Variants in MTUS2 observed in about 807,000 individuals in gnomAD.
The protein encoded by MTUS2 is microtubule-associated tumor suppressor candidate 2.
MTUS2 carries 40 observed loss-of-function variants against 114.1 expected under a neutral mutation model. That is an observed-to-expected ratio of 0.35 (90% CI 0.27 to 0.46). MTUS2 has a LOEUF of 0.46. MTUS2 is among the 20% of genes least tolerant of loss of function. The pLI, the probability that MTUS2 is intolerant of heterozygous loss-of-function variation, is 1.00. For synonymous variants in MTUS2, 688 were observed against 672.0 expected (o/e 1.02, Z -0.37); for missense variants, 1,679 against 1,705.4 (o/e 0.98, Z 0.27).
At chr13:29,382,833 GATTA>G (rs1872318867) in intron 8 of MTUS2, among the ~76,000 whole-genome samples, 1 of 152,088 alleles carries the variant, frequency 6.6e-6, no homozygotes, top group African/African-American at 2.4e-5. Context: ...GTCAGTGTGT[GATTA>G]ATTACCAAAG....
At chr13:29,080,941 G>T (rs1889414665) in intron 4 of MTUS2, among the ~76,000 whole-genome samples, 1 of 152,120 alleles carries the variant, frequency 6.6e-6, no homozygotes, top group Non-Finnish European at 1.5e-5. Flanking sequence ...GACCAGGGTG[G>T]TCTTGAACTC....
At chr13:28,850,345 T>C (rs1161471) in intron 2 of MTUS2, among the ~76,000 whole-genome samples, 116,167 of 152,178 alleles carry the variant, frequency 0.76, 45,081 homozygotes, top group Non-Finnish European at 0.82. Flanking sequence ...AGATACAACA[T>C]GGAAAGTGTG....
intron 5 of MTUS2, among the ~76,000 whole-genome samples, chr13:29,102,175 A>G (rs1228010196): frequency 6.6e-6 from 1 of 152,206 alleles, no homozygotes; most frequent in Admixed American, 6.5e-5. Flanking sequence ...CAAATGTGTA[A>G]TTCATGTTTT....
At chr13:29,353,471 T>C (rs1347733254) in intron 7 of MTUS2, among the ~76,000 whole-genome samples, 2 of 151,958 alleles carry the variant, frequency 1.3e-5, no homozygotes, top group African/African-American at 4.8e-5. Flanking sequence ...CAGCTGATTT[T>C]TGTATTTTTT....
chr13:29,267,016 C>T (rs1357287615), intron 5 of MTUS2, among the ~76,000 whole-genome samples: 1 of 152,062 alleles, frequency 6.6e-6, no homozygotes, highest in Non-Finnish European at 1.5e-5. Context: ...ATGACAGGCA[C>T]AGGGAGGAGG....
intron 2 of MTUS2, among the ~76,000 whole-genome samples, chr13:29,008,026 T>A (rs971944289): frequency 6.6e-6 from 1 of 152,200 alleles, no homozygotes; most frequent in Non-Finnish European, 1.5e-5. Context: ...TCTTTTGTCA[T>A]GAAACATCCC....
At chr13:29,449,225 A>G (rs1472358829) in intron 9 of MTUS2, among the ~76,000 whole-genome samples, 2 of 152,202 alleles carry the variant, frequency 1.3e-5, no homozygotes, top group African/African-American at 4.8e-5. Flanking sequence ...ATATTAACGT[A>G]TGGTAGGAAT....
chr13:28,857,004 A>G (rs1425372916), intron 2 of MTUS2, among the ~76,000 whole-genome samples: 1 of 152,226 alleles, frequency 6.6e-6, no homozygotes, highest in East Asian at 1.9e-4. Context: ...GCGGTTGCGC[A>G]CATTCACCCC....
chr13:29,255,901 G>A (rs1202003962), intron 5 of MTUS2, among the ~76,000 whole-genome samples: 1 of 152,208 alleles, frequency 6.6e-6, no homozygotes, highest in Non-Finnish European at 1.5e-5. Context: ...ACCTGAATTT[G>A]AAGTCTGACC....
intron 5 of MTUS2, among the ~76,000 whole-genome samples, chr13:29,162,118 T>G (rs1893124582): frequency 1.3e-5 from 2 of 152,176 alleles, no homozygotes; most frequent in Admixed American, 1.3e-4. Context: ...TCTCTCTGTG[T>G]GTGTCTCTGT....
chr13:29,377,798 A>G (rs3125705), intron 8 of MTUS2, among the ~76,000 whole-genome samples: 92,278 of 151,732 alleles, frequency 0.61, 28,949 homozygotes, highest in East Asian at 0.75. Context: ...AAAACATAAA[A>G]ATCAAGGAGA....
At chr13:29,149,650 T>C (rs1892587970) in intron 5 of MTUS2, among the ~76,000 whole-genome samples, 1 of 152,216 alleles carries the variant, frequency 6.6e-6, no homozygotes, top group South Asian at 2.1e-4. Flanking sequence ...TTTATAGTTT[T>C]CAGTTTTACA....
intron 7 of MTUS2, among the ~76,000 whole-genome samples, chr13:29,338,765 C>T (rs1164847824): frequency 6.6e-6 from 1 of 152,096 alleles, no homozygotes. Flanking sequence ...AATAAAGACA[C>T]TATTATTTAA....
chr13:29,204,485 G>T (rs1197418934), intron 5 of MTUS2, among the ~76,000 whole-genome samples: 1 of 152,178 alleles, frequency 6.6e-6, no homozygotes, highest in East Asian at 1.9e-4. Context: ...CAGGCCTCTG[G>T]GACCATCTCT....
chr13:29,037,779 A>T (rs1319819143), intron 4 of MTUS2, among the ~76,000 whole-genome samples: 1 of 152,122 alleles, frequency 6.6e-6, no homozygotes, highest in Non-Finnish European at 1.5e-5. Context: ...AATCTCTGAT[A>T]TCCTTTCTTC....
At chr13:28,877,448 A>G (rs1051333810) in intron 2 of MTUS2, among the ~76,000 whole-genome samples, 4 of 152,218 alleles carry the variant, frequency 2.6e-5, no homozygotes, top group Non-Finnish European at 5.9e-5. Flanking sequence ...TTGCTTGCAT[A>G]TTACAGTCCA....
intron 4 of MTUS2, among the ~76,000 whole-genome samples, chr13:29,069,616 C>T (rs1270717457): frequency 6.6e-6 from 1 of 152,146 alleles, no homozygotes; most frequent in Non-Finnish European, 1.5e-5. Context: ...ACTATGACAC[C>T]TCCTGACACT....
intron 8 of MTUS2, among the ~76,000 whole-genome samples, chr13:29,412,623 T>C (rs1875338859): frequency 6.6e-6 from 1 of 152,182 alleles, no homozygotes; most frequent in South Asian, 2.1e-4. Flanking sequence ...GTGCAGTGAC[T>C]CATACCTGTA....
In MTUS2 at chr13:29,167,336, C is replaced by T. The variant is rs541652861; in HGVS notation, c.2644+66366C>T. On this transcript the variant is annotated intron_variant, in intron 5 of 15. Coordinates refer to ENST00000612955, the MANE Select transcript of MTUS2 (RefSeq NM_001033602.4). ...CTTGCAGTGAGCCGAGATCTCACCA[C>T]TGCACTCCAGCCTGGGCGACAGAGC... Among the ~76,000 whole-genome samples, 12 of 151,478 alleles carry T rather than the reference C, an allele frequency of 7.9e-5. No homozygotes were observed. In the South Asian group the frequency reaches 2.5e-3, roughly 32 times the overall value.
Sources: gnomAD v4.1 joint callset for allele counts (sites outside exome capture counted in the v4.1 genomes callset) on GRCh38, gnomAD v4.1.1 for gene constraint, MANE v1.5 for transcripts, NCBI Gene and HGNC (gene_info 2026-07-23, HGNC 2026-07-21) for gene names.